Variants in GOLGA4 observed in about 807,000 individuals in gnomAD.
GOLGA4 encodes golgin A4, also known as golgin subfamily A member 4.
Under a neutral mutation model 265.9 loss-of-function variants are expected in GOLGA4, and 169 were observed. That is an observed-to-expected ratio of 0.64 (90% CI 0.56 to 0.72). The LOEUF is 0.72. GOLGA4 is among the 30% of genes least tolerant of loss of function. The pLI, the probability that GOLGA4 is intolerant of heterozygous loss-of-function variation, is 0.00. For synonymous variants in GOLGA4, 923 were observed against 855.8 expected, an observed-to-expected ratio of 1.08 and a Z score of -1.37; for missense variants, 2,482 against 2,483.4, an observed-to-expected ratio of 1.00 and a Z score of 0.01.
chr3:37,255,391 G>A (rs1016539065), intron 2 of GOLGA4, among the ~76,000 whole-genome samples: 3 of 151,890 alleles, frequency 2.0e-5, no homozygotes, highest in African/African-American at 7.2e-5. Flanking sequence ...TTGAACTCCC[G>A]ACCTCAGGTG....
rs573605241 is a variant in GOLGA4, at chr3:37,366,857, A to T, written c.*811A>T. 1.2e-4 allele frequency: 19 copies of T among 152,356 alleles called. No individual in the cohort carries two copies. The highest frequency in any genetic ancestry group is 4.3e-4 in the African/African-American group (18 of 41,578). 9.4% of individuals were successfully genotyped at this position (152,356 alleles called of 1,614,324 possible). A position where few individuals can be genotyped will look rare whatever the true frequency, so the allele number is the denominator to read the frequency against. On this transcript the variant is annotated 3_prime_UTR_variant, in exon 24 of 24. Coordinates refer to ENST00000361924, the MANE Select transcript of GOLGA4 (RefSeq NM_002078.5). The stretch of plus-strand genomic sequence containing the variant: ...GAGGAATTATTTGTCAATATAACTA[A>T]ATGCTGAGCATTTGAAAAGAATTTT...
At chr3:37,365,114 T>C (rs1173557990) in intron 23 of GOLGA4, among the ~76,000 whole-genome samples, 1 of 152,108 alleles carries the variant, frequency 6.6e-6, no homozygotes, top group Non-Finnish European at 1.5e-5. Flanking sequence ...CCAGGCTGTT[T>C]TTAATTTTTA....
At position 37,326,330 on chromosome 3, in the gene GOLGA4, A is replaced by C; in HGVS notation, c.4444A>C (p.Asn1482His). The C allele has an allele frequency of 1.2e-6, 2 of 1,611,868 alleles. No individual in the cohort carries two copies. Among genetic ancestry groups the C allele is most frequent in the Admixed American group, 1.7e-5 (1 of 59,636 alleles). Residue 1482 changes from asparagine (N) to histidine (H), a missense_variant, in exon 14 of 24, where the codon AAT becomes CAT. Physicochemically the swap from Asn to His is moderately conservative, Grantham distance 68. Transcript: ENST00000361924. ...KEAYEKDEQI[N>H]LLKEELDQQN... Reference sequence around the variant, plus strand: ...AGCTTATGAAAAGGATGAGCAGATAAATTTATTGAAGGAAGAGCTTGATCA... The same window carrying C: ...AGCTTATGAAAAGGATGAGCAGATACATTTATTGAAGGAAGAGCTTGATCA...
chr3:37,298,771 T>A, intron 7 of GOLGA4, 62 bp from the exon 8 acceptor site: 1 of 1,118,106 alleles, frequency 8.9e-7, no homozygotes, highest in Non-Finnish European at 1.3e-6. Context: ...TCAGTCATAA[T>A]TTTCCAAAGG....
intron 19 of GOLGA4, 139 bp from the exon 20 acceptor site, chr3:37,339,985 T>C (rs1350443396): frequency 4.4e-6 from 2 of 450,270 alleles, no homozygotes; most frequent in South Asian, 5.1e-5. Flanking sequence ...CAATTCTTGC[T>C]CTAAACCATT....
chr3:37,327,916 T>A (rs1345208266), intron 14 of GOLGA4, 91 bp downstream of exon 14: 50 of 1,050,540 alleles, frequency 4.8e-5, no homozygotes, highest in Middle Eastern at 3.0e-4. Context: ...TTTAAATTAT[T>A]TGGATAAGTT....
chr3:37,257,970 C>CAT (rs1233804541), intron 2 of GOLGA4, among the ~76,000 whole-genome samples: 1 of 80,576 alleles, frequency 1.2e-5, no homozygotes, highest in African/African-American at 7.0e-5. Context: ...TGTATATATA[C>CAT]ATACATATAT....
At position 37,295,182 on chromosome 3, in the gene GOLGA4, C is replaced by G. The variant is rs552817642; in HGVS notation, c.681+105C>G. 38 of 580,180 alleles carry G rather than the reference C, an allele frequency of 6.5e-5. No individual in the cohort carries two copies. The African/African-American group carries it at 7.0e-4, about 11-fold the overall frequency. 35.9% of individuals were successfully genotyped at this position (580,180 alleles called of 1,614,324 possible). On this transcript the variant is annotated intron_variant, in intron 6 of 23. Transcript: ENST00000361924. ...TGCAAAAGTTTTTTCTTTTTTAAGA[C>G]CTATTTTTAAAACTTTTTGCTTTCC...
intron 2 of GOLGA4, chr3:37,276,296 A>C (rs2096818328): frequency 1.3e-6 from 2 of 1,596,626 alleles, no homozygotes; most frequent in East Asian, 4.5e-5. Context: ...TAAAGATGCA[A>C]AAAATCCAAA....
At chr3:37,329,139 A>G (rs2096981957) in intron 16 of GOLGA4, 46 bp downstream of exon 16, 2 of 1,486,298 alleles carry the variant, frequency 1.3e-6, no homozygotes, top group Non-Finnish European at 1.8e-6. Flanking sequence ...TTTAGCTGTA[A>G]TAGATTTCAT....
At chr3:37,331,466 GC>G (rs1246389652) in intron 16 of GOLGA4, among the ~76,000 whole-genome samples, 1 of 152,070 alleles carries the variant, frequency 6.6e-6, no homozygotes. Context: ...ACTAAAAAGG[GC>G]TATTAGCAAT....
At chr3:37,321,696 T>G in intron 12 of GOLGA4, 35 bp from the exon 13 acceptor site, 2 of 1,561,598 alleles carry the variant, frequency 1.3e-6, no homozygotes, top group Non-Finnish European at 1.7e-6. Flanking sequence ...AAGATTTATG[T>G]GCGTTTAAGG....
rs1163080854 is a variant in GOLGA4 at position 37,336,804 on chromosome 3, GAAAGAGAGAA to G, written c.6307-337_6307-328del. 4.0e-4 allele frequency among the ~76,000 whole-genome samples: 61 copies of G among 151,668 alleles called. 1 individual carries two copies. The highest frequency in any genetic ancestry group is 3.4e-3 in the Middle Eastern group (1 of 294). On this transcript the variant is annotated intron_variant, in intron 17 of 23. Coordinates refer to ENST00000361924, the MANE Select transcript of GOLGA4 (RefSeq NM_002078.5). Reference sequence around the variant, plus strand: ...AGAGAGAGAGAAAGAGAAAGAGAAAGAAAGAGAGAAAGAGAGAGAAAGAAAACTTAATTTT... The same window carrying G: ...AGAGAGAGAGAAAGAGAAAGAGAAAGAGAGAGAGAAAGAAAACTTAATTTT...
At chr3:37,277,219 A>G (rs1224286328) in intron 2 of GOLGA4, among the ~76,000 whole-genome samples, 2 of 152,186 alleles carry the variant, frequency 1.3e-5, no homozygotes, top group African/African-American at 2.4e-5. Flanking sequence ...TTTCTTGTAC[A>G]TGTATATTAC....
chr3:37,268,716 T>C (rs1578419519), intron 2 of GOLGA4, among the ~76,000 whole-genome samples: 1 of 152,116 alleles, frequency 6.6e-6, no homozygotes. Flanking sequence ...GGACCACAGA[T>C]GCGCACCACC....
In GOLGA4 at chr3:37,264,176, A is replaced by G. The variant is rs1417343079; in HGVS notation, c.162+12692A>G. Among the ~76,000 whole-genome samples the G allele has an allele frequency of 5.3e-5, 8 of 152,320 alleles. No individual in the cohort carries two copies. The East Asian group carries it at 1.5e-3, about 29-fold the overall frequency. ...GTGTTTTTCTTTTAAAATTTCAAAT[A>G]TACTCCTCTGAAGTTTTGAATTATT... On this transcript the variant is annotated intron_variant, in intron 2 of 23. Transcript: ENST00000361924.
At chr3:37,319,269 C>A in intron 12 of GOLGA4, 75 bp downstream of exon 12, 2 of 1,222,300 alleles carry the variant, frequency 1.6e-6, no homozygotes, top group Non-Finnish European at 1.1e-6. Context: ...CTCACTGTTG[C>A]ATTCCAGTTG....
rs529123013 is a variant in GOLGA4 at position 37,275,077 on chromosome 3, G to A, written c.163-6881G>A. On this transcript the variant is annotated intron_variant, in intron 2 of 23. Transcript: ENST00000361924. ...AAATACAAAAAAAAATTAGCTGGGCGTGGTGGCGGGTACCTGTAATTCCAG... is the reference window on the plus strand; with the variant it reads ...AAATACAAAAAAAAATTAGCTGGGCATGGTGGCGGGTACCTGTAATTCCAG... Among the ~76,000 whole-genome samples, 7 of 151,736 alleles carry A rather than the reference G, an allele frequency of 4.6e-5. 1 individual carries two copies. In the South Asian group the frequency reaches 1.3e-3, roughly 27 times the overall value.
intron 7 of GOLGA4, 88 bp from the exon 8 acceptor site, chr3:37,298,745 G>C: frequency 1.2e-6 from 1 of 815,472 alleles, no homozygotes; most frequent in South Asian, 1.8e-5. Context: ...GGTTAGATTA[G>C]ATCTCTTTGA....
Sources: allele counts gnomAD v4.1 joint callset (sites outside exome capture counted in the v4.1 genomes callset), GRCh38; gene constraint gnomAD v4.1.1; transcripts MANE v1.5; gene names NCBI Gene and HGNC (gene_info 2026-07-23, HGNC 2026-07-21).